THADA: variants seen among roughly 807,000 people sequenced by gnomAD.
THADA encodes the protein tRNA (32-2'-O)-methyltransferase regulator THADA.
Under a neutral mutation model 219.8 loss-of-function variants are expected in THADA, and 213 were observed. The observed-to-expected ratio is 0.97, with a 90% CI of 0.87 to 1.09. The LOEUF (loss-of-function observed/expected upper bound fraction) is 1.09, where lower values mean the gene tolerates loss of function less well. Ranked by LOEUF, THADA falls within the 50% of genes least tolerant of loss-of-function variation. The probability of loss-of-function intolerance (pLI) is 0.00; values close to 1 mark genes in which losing one functional copy is unlikely to be tolerated. For synonymous variants in THADA, 1,018 were observed against 828.9 expected (o/e 1.23, Z -3.92); for missense variants, 2,956 against 2,311.3 (o/e 1.28, Z -5.72).
intron 25 of THADA, among the ~76,000 whole-genome samples, chr2:43,487,226 T>A (rs1255451829): frequency 6.6e-6 from 1 of 152,172 alleles, no homozygotes; most frequent in Non-Finnish European, 1.5e-5. Flanking sequence ...CTTTTAGGTC[T>A]AAGATGACTT....
intron 27 of THADA, among the ~76,000 whole-genome samples, chr2:43,429,353 T>C (rs1678937428): frequency 6.6e-6 from 1 of 152,132 alleles, no homozygotes. Context: ...GTGATCCACC[T>C]GCCTTGGCCT....
intron 21 of THADA, among the ~76,000 whole-genome samples, chr2:43,540,346 G>C (rs1420700502): frequency 1.3e-5 from 2 of 152,136 alleles, no homozygotes; most frequent in African/African-American, 2.4e-5. Flanking sequence ...AAGCCACAGA[G>C]TGTGAGAAAA....
chr2:43,348,674 G>A (rs1667916278), intron 29 of THADA, among the ~76,000 whole-genome samples: 2 of 152,116 alleles, frequency 1.3e-5, no homozygotes, highest in South Asian at 4.1e-4. Context: ...TAGACATGGA[G>A]TTAAGGCGCA....
At chr2:43,515,877 G>T (rs1464469946) in intron 22 of THADA, among the ~76,000 whole-genome samples, 1 of 152,086 alleles carries the variant, frequency 6.6e-6, no homozygotes, top group South Asian at 2.1e-4. Flanking sequence ...TTTCAATGGG[G>T]TGTCTACTAG....
chr2:43,314,869 A>C (rs1677904284), intron 31 of THADA, among the ~76,000 whole-genome samples: 1 of 152,266 alleles, frequency 6.6e-6, no homozygotes, highest in South Asian at 2.1e-4. Context: ...CAGATTTGAA[A>C]ATTTTAAAAC....
intron 28 of THADA, among the ~76,000 whole-genome samples, chr2:43,402,889 G>A (rs1041140592): frequency 6.6e-6 from 1 of 152,208 alleles, no homozygotes; most frequent in African/African-American, 2.4e-5. Context: ...GAGCGCTTGG[G>A]TTTGGCAAGA....
chr2:43,340,619 C>T (rs1666961947), intron 30 of THADA, among the ~76,000 whole-genome samples: 1 of 152,140 alleles, frequency 6.6e-6, no homozygotes, highest in Non-Finnish European at 1.5e-5. Context: ...TTTAAGGCAA[C>T]ATTTTTTTCT....
intron 20 of THADA, among the ~76,000 whole-genome samples, chr2:43,543,930 A>G (rs1695664005): frequency 6.6e-6 from 1 of 151,870 alleles, no homozygotes; most frequent in African/African-American, 2.4e-5. Context: ...GGTGTTTTAG[A>G]CATGAAGTCC....
At chr2:43,368,834 T>C (rs150182163) in intron 29 of THADA, among the ~76,000 whole-genome samples, 2 of 152,256 alleles carry the variant, frequency 1.3e-5, no homozygotes, top group East Asian at 3.9e-4. Context: ...CCAACATCTA[T>C]CCAACCTAAC....
chr2:43,238,678 G>A (rs1668316543), intron 36 of THADA, among the ~76,000 whole-genome samples: 1 of 152,150 alleles, frequency 6.6e-6, no homozygotes, highest in Non-Finnish European at 1.5e-5. Context: ...TAGCAGCCTT[G>A]TTCATAAGAG....
At chr2:43,544,210 C>A (rs1024462924) in intron 20 of THADA, among the ~76,000 whole-genome samples, 1 of 152,128 alleles carries the variant, frequency 6.6e-6, no homozygotes, top group African/African-American at 2.4e-5. Flanking sequence ...TTTCTGAGGG[C>A]TCTGTTCTGT....
chr2:43,472,258 T>TC (rs1273780569), intron 26 of THADA, among the ~76,000 whole-genome samples: 1 of 152,206 alleles, frequency 6.6e-6, no homozygotes, highest in Non-Finnish European at 1.5e-5. Context: ...TTAAGTATGA[T>TC]ATCTCCAGAG....
Position 43,431,796 on chromosome 2 carries a change from C to T in THADA, c.3837-1494G>A, listed in dbSNP as rs58347790. Among the ~76,000 whole-genome samples the T allele has an allele frequency of 1.1e-3, 68 of 62,284 alleles. 5 individuals are homozygous for T. Among genetic ancestry groups the T allele is most frequent in the African/African-American group, 6.7e-3 (66 of 9,860 alleles). 40.9% of individuals were successfully genotyped at this position (62,284 alleles called of 152,430 possible). ...TCTCCTGCCTCAGCCTCCCAAGTAGCTGGGACTACAGGCGCCCGCCACCAC... is the reference window on the plus strand; with the variant it reads ...TCTCCTGCCTCAGCCTCCCAAGTAGTTGGGACTACAGGCGCCCGCCACCAC... On this transcript the variant is annotated intron_variant, in intron 26 of 37. Coordinates refer to ENST00000405975, the MANE Select transcript of THADA (RefSeq NM_022065.5).
intron 36 of THADA, among the ~76,000 whole-genome samples, chr2:43,245,190 T>TTTTTTTTTTA: frequency 6.9e-6 from 1 of 144,966 alleles, no homozygotes; most frequent in African/African-American, 2.6e-5. Context: ...TTTTTTTTTT[T>TTTTTTTTTTA]GAGACGGAGT....
At chr2:43,277,635 G>A (rs1054273747) in intron 36 of THADA, among the ~76,000 whole-genome samples, 1 of 141,618 alleles carries the variant, frequency 7.1e-6, no homozygotes, top group African/African-American at 2.5e-5. Flanking sequence ...CTCTTGTGTT[G>A]TATTTCTTTC....
intron 25 of THADA, among the ~76,000 whole-genome samples, chr2:43,496,556 C>A (rs927630632): frequency 1.3e-5 from 2 of 151,996 alleles, no homozygotes; most frequent in South Asian, 4.1e-4. Context: ...CACATTTATA[C>A]GCTCAGAGTT....
chr2:43,348,406 C>T (rs1407593882), intron 29 of THADA, among the ~76,000 whole-genome samples: 13 of 152,178 alleles, frequency 8.5e-5, no homozygotes, highest in Middle Eastern at 3.4e-3. Context: ...TTTAAACTTT[C>T]GGAGAATCAA....
At chr2:43,360,662 T>G (rs1207085681) in intron 29 of THADA, among the ~76,000 whole-genome samples, 2 of 152,200 alleles carry the variant, frequency 1.3e-5, no homozygotes, top group Non-Finnish European at 2.9e-5. Flanking sequence ...GATAGCTGAA[T>G]GAAACAATGA....
intron 26 of THADA, among the ~76,000 whole-genome samples, chr2:43,467,196 A>AC (rs1180045856): frequency 6.6e-6 from 1 of 150,824 alleles, no homozygotes; most frequent in Non-Finnish European, 1.5e-5. Flanking sequence ...AAAAAAAAAA[A>AC]AAAAAAAAAA....
Sources: allele counts gnomAD v4.1 joint callset (sites outside exome capture counted in the v4.1 genomes callset), GRCh38; gene constraint gnomAD v4.1.1; transcripts MANE v1.5; gene names NCBI Gene and HGNC (gene_info 2026-07-23, HGNC 2026-07-21).